Variants in AKNA observed in about 807,000 individuals in gnomAD.
The protein encoded by AKNA is AT-hook transcription factor, also known as microtubule organization protein AKNA.
AKNA carries 67 observed loss-of-function variants against 138.8 expected under a neutral mutation model. That is an observed-to-expected ratio of 0.48 (90% CI 0.40 to 0.59). The LOEUF is 0.59. Ranked by LOEUF, AKNA falls within the 20% of genes least tolerant of loss-of-function variation. AKNA has a pLI of 0.00. For missense variants in AKNA, 1,813 were observed against 1,880.4 expected (o/e 0.96, Z 0.66); for synonymous variants, 737 against 754.4 (o/e 0.98, Z 0.38).
At chr9:114,392,373 C>T (rs1834379907), upstream of AKNA, among the ~76,000 whole-genome samples, 1 of 152,214 alleles carries the variant, frequency 6.6e-6, no homozygotes, top group Admixed American at 6.5e-5. Flanking sequence ...GGCAGAAATG[C>T]CATGCAGACA....
At chr9:114,368,397 G>T in intron 5 of AKNA, 42 bp downstream of exon 5, 1 of 1,310,410 alleles carries the variant, frequency 7.6e-7, no homozygotes. Context: ...CAGAATCCCA[G>T]GCAGAAGGAG....
rs547992376 is a variant in AKNA, at chr9:114,341,734, G to A, written c.3875-9C>T. 6.4e-7 allele frequency: 1 copy of A among 1,555,790 alleles called. No homozygotes were observed. The highest frequency in any genetic ancestry group is 1.2e-5 in the South Asian group (1 of 80,784). ...GGTGGCCTTCTCTGCCCCTATCAGG[G>A]AGGGAACAGCACAGAGAGACAGAGT... On this transcript the variant is annotated splice_polypyrimidine_tract_variant and intron_variant, in intron 20 of 21. Coordinates refer to ENST00000374088, the MANE Select transcript of AKNA (RefSeq NM_001317950.2).
chr9:114,366,244 C>T (rs1043094249), intron 6 of AKNA, among the ~76,000 whole-genome samples: 1 of 148,212 alleles, frequency 6.7e-6, no homozygotes, highest in African/African-American at 2.5e-5. Flanking sequence ...TGCACCACTG[C>T]ACTCCAGCCT....
At chr9:114,339,337 C>A (rs993114011) in intron 21 of AKNA, among the ~76,000 whole-genome samples, 6 of 152,224 alleles carry the variant, frequency 3.9e-5, no homozygotes, top group African/African-American at 1.2e-4. Flanking sequence ...AACCACTGGG[C>A]CCGTTCAGTC....
chr9:114,331,215 C>T (rs944757643), downstream of AKNA, among the ~76,000 whole-genome samples: 1 of 152,092 alleles, frequency 6.6e-6, no homozygotes, highest in Non-Finnish European at 1.5e-5. Flanking sequence ...GTACCTTCAA[C>T]TATGTCCCCC....
upstream of AKNA, among the ~76,000 whole-genome samples, chr9:114,390,210 T>A (rs562444967): frequency 2.8e-4 from 42 of 152,228 alleles, no homozygotes; most frequent in Non-Finnish European, 5.0e-4. Context: ...TTCCATTTCC[T>A]TGCACCCCCA....
In AKNA at chr9:114,342,012, A is replaced by T; in HGVS notation, c.3871T>A (p.Ser1291Thr). The change falls in exon 20 of 22, where the codon TCT becomes ACT. Residue 1291 changes from serine to threonine, a missense_variant. Ser to Thr is a moderately conservative substitution (Grantham distance 58). Transcript: ENST00000374088. ...PEADGPGSAT[S>T]GAEKATTRRK... ...AAGAAACAGTATTTGTCCCTACCAGAGGTGGCTGAGCCTGGACCATCTGCC... is the reference window on the plus strand; with the variant it reads ...AAGAAACAGTATTTGTCCCTACCAGTGGTGGCTGAGCCTGGACCATCTGCC... 1 of 1,612,350 alleles carries T rather than the reference A, an allele frequency of 6.2e-7. No homozygotes were observed. The highest frequency in any genetic ancestry group is 1.7e-4 in the Middle Eastern group (1 of 6,056).
chr9:114,368,095 C>T (rs549141855), intron 5 of AKNA: 12 of 288,938 alleles, frequency 4.2e-5, no homozygotes, highest in Middle Eastern at 1.9e-3. Flanking sequence ...CACACCTCAG[C>T]GGGTTATTGT....
At chr9:114,380,435 G>A (rs1040377894) in intron 2 of AKNA, among the ~76,000 whole-genome samples, 1 of 152,162 alleles carries the variant, frequency 6.6e-6, no homozygotes, top group African/African-American at 2.4e-5. Context: ...CAGGTTACAA[G>A]GAAGCATGTA....
chr9:114,347,509 G>A (rs1431537541), intron 16 of AKNA, among the ~76,000 whole-genome samples: 2 of 152,172 alleles, frequency 1.3e-5, no homozygotes, highest in East Asian at 3.8e-4. Flanking sequence ...GAGCCACTGC[G>A]CCCGGCCTAT....
At chr9:114,389,936 A>G (rs1300657502), upstream of AKNA, among the ~76,000 whole-genome samples, 2 of 151,956 alleles carry the variant, frequency 1.3e-5, no homozygotes, top group African/African-American at 4.8e-5. Context: ...CTCTCCCTGT[A>G]GCCCCCAGCC....
chr9:114,344,096 C>G (rs755497318), intron 18 of AKNA: 3 of 278,904 alleles, frequency 1.1e-5, no homozygotes, highest in Non-Finnish European at 2.0e-5. Flanking sequence ...CAGCTGACAT[C>G]CAGTAGCAAC....
chr9:114,348,440 G>T (rs993947235), intron 15 of AKNA, among the ~76,000 whole-genome samples: 1 of 152,196 alleles, frequency 6.6e-6, no homozygotes, highest in Non-Finnish European at 1.5e-5. Flanking sequence ...GGATGCTCAG[G>T]AAACAGTACT....
chr9:114,381,190 G>A lies in AKNA; in HGVS notation c.144C>T (p.Pro48=). The A allele has an allele frequency of 6.2e-7, 1 of 1,614,166 alleles. No individual in the cohort carries two copies. Among genetic ancestry groups the A allele is most frequent in the Non-Finnish European group, 8.5e-7 (1 of 1,180,004 alleles). The change falls in exon 2 of 22, where the codon CCC becomes CCT. Residue 48 remains proline, a synonymous_variant. Transcript: ENST00000374088. Reference sequence around the variant, plus strand: ...CTAGGAGCTCGGGGCTGGTGGCATTGGGAAAGAGTCTCTCTTCTTCCCAGC... The same window carrying A: ...CTAGGAGCTCGGGGCTGGTGGCATTAGGAAAGAGTCTCTCTTCTTCCCAGC... ...SQSWEEERLF[P]NATSPELLED...
chr9:114,343,846 G>A, intron 18 of AKNA, 43 bp from the exon 19 acceptor site: 1 of 1,518,188 alleles, frequency 6.6e-7, no homozygotes, highest in South Asian at 1.2e-5. Context: ...CCCTGTGGAT[G>A]GATGCAAAAT....
chr9:114,388,154 C>T (rs1326350836), upstream of AKNA: 1 of 227,210 alleles, frequency 4.4e-6, no homozygotes, highest in African/African-American at 2.3e-5. Flanking sequence ...GGAGCTTAAC[C>T]CCTTGCAAGC....
At chr9:114,358,832 G>T (rs1367240408) in intron 11 of AKNA, among the ~76,000 whole-genome samples, 1 of 139,728 alleles carries the variant, frequency 7.2e-6, no homozygotes, top group African/African-American at 2.6e-5. Context: ...GGGCTGTTGT[G>T]GGGTGGGGGG....
intron 4 of AKNA, among the ~76,000 whole-genome samples, chr9:114,372,918 G>A (rs13299666): frequency 1.3e-5 from 2 of 150,216 alleles, no homozygotes; most frequent in Non-Finnish European, 3.0e-5. Flanking sequence ...ATGAGGCCAA[G>A]AGGGAAGGGT....
intron 4 of AKNA, among the ~76,000 whole-genome samples, chr9:114,371,517 G>A (rs58915720): frequency 0.012 from 1,880 of 152,360 alleles, 28 homozygotes; most frequent in African/African-American, 0.043. Context: ...CATGAGGAAA[G>A]AAACACCTGT....
Sources: gnomAD v4.1 joint callset for allele counts (sites outside exome capture counted in the v4.1 genomes callset) on GRCh38, gnomAD v4.1.1 for gene constraint, MANE v1.5 for transcripts, NCBI Gene and HGNC (gene_info 2026-07-23, HGNC 2026-07-21) for gene names.